The following JPH2 variants were observed in gnomAD, a reference collection of about 807,000 sequenced individuals.
The protein encoded by JPH2 is junctophilin 2, also known as junctophilin-2.
JPH2 carries 38 observed loss-of-function variants against 55.9 expected under a neutral mutation model. The observed-to-expected ratio is 0.68, with a 90% CI of 0.52 to 0.89. The LOEUF is 0.89. Among genes scored for constraint, JPH2 ranks in the 40% least tolerant of loss-of-function variants. The probability of loss-of-function intolerance (pLI) is 0.00; values close to 1 mark genes in which losing one functional copy is unlikely to be tolerated. For missense variants in JPH2, 964 were observed against 1,037.6 expected, an observed-to-expected ratio of 0.93 and a Z score of 0.97; for synonymous variants, 480 against 472.4, an observed-to-expected ratio of 1.02 and a Z score of -0.21.
chr20:44,134,084 T>TA lies in JPH2; in HGVS notation c.1170-15462_1170-15461insT, dbSNP rs1384905382. Reference sequence around the variant, plus strand: ...TTATAAATATATAAATATATATTTATTATAAATATATATTTATTATAAATA... The same window carrying TA: ...TTATAAATATATAAATATATATTTATATATAAATATATATTTATTATAAATA... On this transcript the variant is annotated intron_variant, in intron 2 of 5. Coordinates refer to ENST00000372980, the MANE Select transcript of JPH2 (RefSeq NM_020433.5). 1.4e-3 allele frequency among the ~76,000 whole-genome samples: 27 copies of TA among 19,148 alleles called. 7 individuals carry two copies. Among genetic ancestry groups the TA allele is most frequent in the African/African-American group, 6.4e-3 (26 of 4,068 alleles). 12.6% of individuals were successfully genotyped at this position (19,148 alleles called of 152,430 possible).
At chr20:44,164,375 G>GT (rs1156848802) in intron 1 of JPH2, among the ~76,000 whole-genome samples, 2 of 152,032 alleles carry the variant, frequency 1.3e-5, no homozygotes, top group Middle Eastern at 3.2e-3. Flanking sequence ...TTTGATCTTA[G>GT]TTTTTTTGTC....
intron 2 of JPH2, among the ~76,000 whole-genome samples, chr20:44,129,283 G>A (rs910607424): frequency 1.3e-5 from 2 of 152,124 alleles, no homozygotes; most frequent in Non-Finnish European, 2.9e-5. Flanking sequence ...GGCCGGGCGC[G>A]GCGGCTCACA....
intron 1 of JPH2, among the ~76,000 whole-genome samples, chr20:44,166,790 A>G (rs1175945318): frequency 2.0e-5 from 3 of 152,204 alleles, no homozygotes; most frequent in African/African-American, 7.2e-5. Context: ...GCCCATGGCC[A>G]TCTGGCTGAG....
At chr20:44,185,429 G>A (rs2072826827) in intron 1 of JPH2, among the ~76,000 whole-genome samples, 1 of 151,518 alleles carries the variant, frequency 6.6e-6, no homozygotes, top group Non-Finnish European at 1.5e-5. Flanking sequence ...TTTGAGACCA[G>A]TCTGGGCAAT....
intron 2 of JPH2, among the ~76,000 whole-genome samples, chr20:44,132,736 TCCA>T (rs2072331755): frequency 1.9e-5 from 1 of 51,346 alleles, no homozygotes; most frequent in South Asian, 1.1e-3. Context: ...ACCGTCCCCC[TCCA>T]CACCTGCAGC....
chr20:44,136,667 T>C (rs1206070609), intron 2 of JPH2, among the ~76,000 whole-genome samples: 1 of 152,108 alleles, frequency 6.6e-6, no homozygotes, highest in Non-Finnish European at 1.5e-5. Context: ...AACACCAAAA[T>C]AAGAAGATGG....
intron 2 of JPH2, among the ~76,000 whole-genome samples, chr20:44,151,495 C>T (rs984235374): frequency 2.6e-4 from 40 of 151,778 alleles, no homozygotes; most frequent in East Asian, 3.9e-4. Context: ...CCAGTCTGGG[C>T]GACAGAGCAA....
intron 1 of JPH2, among the ~76,000 whole-genome samples, chr20:44,172,825 A>G (rs2145890380): frequency 6.6e-6 from 1 of 152,240 alleles, no homozygotes; most frequent in Admixed American, 6.5e-5. Context: ...TCAGGTTTCT[A>G]TTGCAAATGT....
Position 44,112,800 on chromosome 20 carries a change from C to T in JPH2, c.*718G>A, listed in dbSNP as rs938538324. ...CCCTCTTCCCACCCTGCCCCCTGGC[C>T]ACCTGGTCAGTGGCTTCCCAGCCAG... On this transcript the variant is annotated 3_prime_UTR_variant, in exon 6 of 6. Coordinates refer to ENST00000372980, the MANE Select transcript of JPH2 (RefSeq NM_020433.5). The T allele has an allele frequency of 2.6e-5, 4 of 152,448 alleles. No homozygotes were observed. Among genetic ancestry groups the T allele is most frequent in the Non-Finnish European group, 5.9e-5 (4 of 68,216 alleles). 9.4% of individuals were successfully genotyped at this position (152,448 alleles called of 1,614,324 possible).
At chr20:44,113,835 A>C (rs1043076857) in intron 5 of JPH2, among the ~76,000 whole-genome samples, 2 of 152,186 alleles carry the variant, frequency 1.3e-5, no homozygotes, top group African/African-American at 4.8e-5. Context: ...GCCTGCAGGA[A>C]GCATTCCCAG....
At chr20:44,113,783 G>T (rs2072164673) in intron 5 of JPH2, among the ~76,000 whole-genome samples, 1 of 151,508 alleles carries the variant, frequency 6.6e-6, no homozygotes, top group African/African-American at 2.4e-5. Flanking sequence ...ACTGTCATCT[G>T]GTTCACTCCT....
At chr20:44,134,861 TATAA>T (rs1237969472) in intron 2 of JPH2, among the ~76,000 whole-genome samples, 3 of 38,028 alleles carry the variant, frequency 7.9e-5, no homozygotes, top group Non-Finnish European at 8.8e-5. Context: ...TAAATATATA[TATAA>T]ATATATATAT....
chr20:44,117,420 A>G (rs1339068019), intron 3 of JPH2, among the ~76,000 whole-genome samples: 1 of 152,234 alleles, frequency 6.6e-6, no homozygotes, highest in East Asian at 1.9e-4. Flanking sequence ...CTCAGGACCC[A>G]CAGCCTACTT....
At position 44,110,858 on chromosome 20, in the gene JPH2, G is replaced by A. The variant is rs189981532; in HGVS notation, c.*2660C>T. 6.6e-6 allele frequency among the ~76,000 whole-genome samples: 1 copy of A among 152,206 alleles called. No homozygotes were observed. Among genetic ancestry groups the A allele is most frequent in the Non-Finnish European group, 1.5e-5 (1 of 68,032 alleles). On this transcript the variant is annotated 3_prime_UTR_variant, in exon 6 of 6. Transcript: ENST00000372980. ...GAGGAAACTGAGGCACAGAAAGAGG[G>A]AGTGAGGGAGCACATGGCCCATCAG...
chr20:44,117,880 T>C (rs920728608), intron 3 of JPH2, among the ~76,000 whole-genome samples: 1 of 152,328 alleles, frequency 6.6e-6, no homozygotes, highest in East Asian at 1.9e-4. Context: ...GGACTGGGAA[T>C]GTACCTTACA....
At chr20:44,184,903 T>A (rs2072819378) in intron 1 of JPH2, among the ~76,000 whole-genome samples, 1 of 152,372 alleles carries the variant, frequency 6.6e-6, no homozygotes, top group East Asian at 1.9e-4. Flanking sequence ...TTGTGTATAA[T>A]GTGTATAACT....
chr20:44,116,476 C>A (rs1600829733), intron 3 of JPH2, 90 bp from the exon 4 acceptor site: 1 of 1,434,116 alleles, frequency 7.0e-7, no homozygotes. Context: ...GAGCCTCATT[C>A]ATGGGCTCAG....
At position 44,108,419 on chromosome 20, in the gene JPH2, G is replaced by A. The variant is rs754915656; in HGVS notation, c.*5099C>T. On this transcript the variant is annotated 3_prime_UTR_variant, in exon 6 of 6. Coordinates refer to ENST00000372980, the MANE Select transcript of JPH2 (RefSeq NM_020433.5). ...ATAGGAACCCCCTTGTTTGTAGCCA[G>A]TCAGTATGAACTGATGGTGGCCCTG... Among the ~76,000 whole-genome samples, 4 of 152,118 alleles carry A rather than the reference G, an allele frequency of 2.6e-5. No homozygotes were observed. Among genetic ancestry groups the A allele is most frequent in the Non-Finnish European group, 5.9e-5 (4 of 68,032 alleles).
chr20:44,115,715 CCTT>C lies in JPH2; in HGVS notation c.1957_1959del (p.Lys653del), dbSNP rs111666278. 37 of 1,613,594 alleles carry C rather than the reference CCTT, an allele frequency of 2.3e-5. No individual in the cohort carries two copies. The African/African-American group carries it at 4.1e-4, about 18-fold the overall frequency. On this transcript the variant is annotated inframe_deletion, in exon 4 of 6. Transcript: ENST00000372980. ...GCCGCCAGTGCGGCCTCCTTCCGCGCCTTCTTCTTGGCCCCCGCCTTGGTCAGC... is the reference window on the plus strand; with the variant it reads ...GCCGCCAGTGCGGCCTCCTTCCGCGCCTTCTTGGCCCCCGCCTTGGTCAGC...
Sources: gnomAD v4.1 joint callset for allele counts (sites outside exome capture counted in the v4.1 genomes callset) on GRCh38, gnomAD v4.1.1 for gene constraint, MANE v1.5 for transcripts, NCBI Gene and HGNC (gene_info 2026-07-23, HGNC 2026-07-21) for gene names.